BRD4: variants seen among roughly 807,000 people sequenced by gnomAD.
BRD4 encodes the protein bromodomain-containing protein 4.
Under a neutral mutation model 142.1 loss-of-function variants are expected in BRD4, and 16 were observed. That is an observed-to-expected ratio of 0.11 (90% confidence interval 0.08 to 0.17). The LOEUF (loss-of-function observed/expected upper bound fraction) is 0.17. Ranked by LOEUF, BRD4 falls within the 10% of genes least tolerant of loss-of-function variation. The pLI is 1.00. For synonymous variants in BRD4, 833 were observed against 707.5 expected (o/e 1.18, Z -2.82); for missense variants, 1,424 against 1,810.9 (o/e 0.79, Z 3.88).
intron 1 of BRD4, among the ~76,000 whole-genome samples, chr19:15,311,861 G>C (rs976605701): frequency 4.6e-5 from 7 of 152,118 alleles, no homozygotes; most frequent in Non-Finnish European, 1.5e-5. Flanking sequence ...CTACTTATAT[G>C]AATAACTATG....
At chr19:15,325,053 C>A (rs141079268) in intron 1 of BRD4, among the ~76,000 whole-genome samples, 1 of 152,250 alleles carries the variant, frequency 6.6e-6, no homozygotes, top group Non-Finnish European at 1.5e-5. Flanking sequence ...CTACTCTGAC[C>A]CCTGGCTTCC....
chr19:15,328,993 G>A (rs964907515), intron 1 of BRD4, among the ~76,000 whole-genome samples: 9 of 151,956 alleles, frequency 5.9e-5, no homozygotes, highest in Non-Finnish European at 1.3e-4. Flanking sequence ...GGCTGGTGTC[G>A]AACTTTTGAC....
chr19:15,317,826 T>C (rs1249191549), intron 1 of BRD4, among the ~76,000 whole-genome samples: 1 of 152,250 alleles, frequency 6.6e-6, no homozygotes, highest in Non-Finnish European at 1.5e-5. Context: ...AATTTAAAAC[T>C]GCATTCCTGG....
At chr19:15,254,786 G>A (rs1406578325) in intron 10 of BRD4, among the ~76,000 whole-genome samples, 2 of 152,144 alleles carry the variant, frequency 1.3e-5, no homozygotes, top group Admixed American at 6.5e-5. Flanking sequence ...AAGACTGTGT[G>A]CAATGCCCTG....
At chr19:15,280,977 C>G (rs914309359) in intron 1 of BRD4, among the ~76,000 whole-genome samples, 2 of 152,228 alleles carry the variant, frequency 1.3e-5, no homozygotes, top group African/African-American at 4.8e-5. Flanking sequence ...AGGTCTGTTC[C>G]CCTCCTAGGT....
chr19:15,275,022 C>T (rs2047631038), intron 1 of BRD4, among the ~76,000 whole-genome samples: 2 of 151,990 alleles, frequency 1.3e-5, no homozygotes, highest in South Asian at 4.2e-4. Flanking sequence ...CCATGGCTGG[C>T]TAATATTTGT....
intron 1 of BRD4, among the ~76,000 whole-genome samples, chr19:15,323,888 C>T (rs2048085909): frequency 6.6e-6 from 1 of 152,220 alleles, no homozygotes; most frequent in Admixed American, 6.5e-5. Context: ...TCTTTCTCAA[C>T]AGTCCCAGGC....
chr19:15,288,063 T>C (rs2047753560), intron 1 of BRD4, among the ~76,000 whole-genome samples: 1 of 152,170 alleles, frequency 6.6e-6, no homozygotes, highest in Non-Finnish European at 1.5e-5. Flanking sequence ...CCACTGTACC[T>C]GGCCTGAATT....
chr19:15,273,158 G>C, intron 1 of BRD4, 25 bp from the exon 2 acceptor site: 3 of 1,524,068 alleles, frequency 2.0e-6, no homozygotes, highest in Non-Finnish European at 2.6e-6. Context: ...AAGAGCCCCC[G>C]TGAGATATCA....
At position 15,264,419 on chromosome 19, in the gene BRD4, G is replaced by A. The variant is rs139869150; in HGVS notation, c.1197C>T (p.Asp399=). 46 of 1,608,262 alleles carry A rather than the reference G, an allele frequency of 2.9e-5. 1 individual carries two copies. In the South Asian group the frequency reaches 3.4e-4, roughly 12 times the overall value. ...DYCDIIKHPM[D]MSTIKSKLEA... ...TCCCGCTAACCTTGATTGTGCTCAT[G>A]TCCATGGGGTGCTTGATGATGTCAC... Residue 399 remains aspartate (D), a synonymous_variant, in exon 6 of 20, where the codon GAC becomes GAT. Coordinates refer to ENST00000679869, the MANE Select transcript of BRD4 (RefSeq NM_001379291.1).
chr19:15,251,813 A>C (rs1043899918), intron 11 of BRD4, among the ~76,000 whole-genome samples: 2 of 152,216 alleles, frequency 1.3e-5, no homozygotes, highest in Admixed American at 1.3e-4. Flanking sequence ...CACAGAAGGC[A>C]AAGGAAAGCC....
intron 11 of BRD4, chr19:15,249,388 T>G: frequency 6.3e-7 from 1 of 1,593,750 alleles, no homozygotes; most frequent in Non-Finnish European, 8.6e-7. Context: ...GCCAACCTCC[T>G]GCGCCCTGGT....
At chr19:15,254,380 G>T in intron 10 of BRD4, 118 bp from the exon 11 acceptor site, 2 of 836,070 alleles carry the variant, frequency 2.4e-6, no homozygotes, top group Non-Finnish European at 3.9e-6. Flanking sequence ...GTGCACGGTG[G>T]GCCCAGGGGC....
At chr19:15,313,178 T>G (rs527651868) in intron 1 of BRD4, among the ~76,000 whole-genome samples, 28 of 150,042 alleles carry the variant, frequency 1.9e-4, no homozygotes, top group Non-Finnish European at 3.0e-4. Flanking sequence ...GAGACCATCC[T>G]GGCTAACACG....
rs150237748 is a variant in BRD4 at position 15,264,506 on chromosome 19, G to A, written c.1110C>T (p.Ala370=). The A allele has an allele frequency of 5.0e-4, 807 of 1,613,818 alleles. 3 individuals carry two copies. Among genetic ancestry groups the A allele is most frequent in the Admixed American group, 3.3e-3 (199 of 60,000 alleles). Residue 370 remains alanine, a synonymous_variant, in exon 6 of 20, where the codon GCC becomes GCT. Coordinates refer to ENST00000679869, the MANE Select transcript of BRD4 (RefSeq NM_001379291.1). The stretch of plus-strand genomic sequence containing the variant: ...GCTTGTAGAAGGGCCAGGCGTAGGC[G>A]GCGTGCTTCTTGGCAAACATCTCCT... ...ILKEMFAKKH[A]AYAWPFYKPV...
intron 14 of BRD4, 81 bp downstream of exon 14, chr19:15,242,819 G>A: frequency 6.5e-7 from 1 of 1,542,576 alleles, no homozygotes; most frequent in Non-Finnish European, 8.8e-7. Context: ...TGAAGCATGA[G>A]TTAACCCTTC....
chr19:15,300,142 G>A (rs999674579), intron 1 of BRD4, among the ~76,000 whole-genome samples: 31 of 152,300 alleles, frequency 2.0e-4, no homozygotes, highest in African/African-American at 7.5e-4. Flanking sequence ...CTACTCTGGT[G>A]GCTGAGGAGG....
intron 7 of BRD4, among the ~76,000 whole-genome samples, chr19:15,261,236 C>T (rs2047467669): frequency 6.6e-6 from 1 of 152,086 alleles, no homozygotes; most frequent in Non-Finnish European, 1.5e-5. Flanking sequence ...CCTGTAATTC[C>T]AGCACTTTGG....
chr19:15,287,560 C>A (rs1202167825), intron 1 of BRD4, among the ~76,000 whole-genome samples: 2 of 151,952 alleles, frequency 1.3e-5, no homozygotes, highest in Non-Finnish European at 2.9e-5. Context: ...AACGCTTTCA[C>A]CTTGTAAAAC....
Sources: gnomAD v4.1 joint callset for allele counts (sites outside exome capture counted in the v4.1 genomes callset) on GRCh38, gnomAD v4.1.1 for gene constraint, MANE v1.5 for transcripts, NCBI Gene and HGNC (gene_info 2026-07-23, HGNC 2026-07-21) for gene names.